EPHB1: variants seen among roughly 807,000 people sequenced by gnomAD.
EPHB1 encodes the protein ephrin type-B receptor 1.
EPHB1 carries 30 observed loss-of-function variants against 94.4 expected under a neutral mutation model. The observed-to-expected ratio is 0.32, with a 90% CI of 0.24 to 0.43. EPHB1 has a LOEUF of 0.43. EPHB1 is among the 20% of genes least tolerant of loss of function. The pLI is 1.00. For missense variants in EPHB1, 1,055 were observed against 1,308.3 expected, an observed-to-expected ratio of 0.81 and a Z score of 2.99; for synonymous variants, 522 against 489.1, an observed-to-expected ratio of 1.07 and a Z score of -0.89.
At chr3:135,071,528 T>C (rs752417682) in intron 3 of EPHB1, among the ~76,000 whole-genome samples, 3 of 152,192 alleles carry the variant, frequency 2.0e-5, no homozygotes, top group Non-Finnish European at 4.4e-5. Flanking sequence ...GATAAAGTGC[T>C]GGACTAGGAT....
intron 1 of EPHB1, among the ~76,000 whole-genome samples, chr3:134,923,856 A>G (rs549955339): frequency 2.0e-4 from 30 of 152,272 alleles, no homozygotes; most frequent in Non-Finnish European, 3.8e-4. Flanking sequence ...TCTCATGGTT[A>G]TGGGAAGGGG....
chr3:135,037,522 C>A (rs1936685007), intron 3 of EPHB1, among the ~76,000 whole-genome samples: 1 of 152,198 alleles, frequency 6.6e-6, no homozygotes, highest in African/African-American at 2.4e-5. Flanking sequence ...TCACATAGAC[C>A]AAGTCCATTT....
chr3:135,219,893 G>A (rs1170721020), intron 12 of EPHB1, among the ~76,000 whole-genome samples: 1 of 152,166 alleles, frequency 6.6e-6, no homozygotes, highest in East Asian at 1.9e-4. Flanking sequence ...TGTAGTGTTT[G>A]CCTTATGGGC....
At position 135,237,671 on chromosome 3, in the gene EPHB1, C is replaced by G. The variant is rs115091204; in HGVS notation, c.2347-3477C>G. ...ACAGTGCTCTCCCCAAGCCCAGTGT[C>G]AGCACTTCTGTGTCCGTATGAATGC... On this transcript the variant is annotated intron_variant, in intron 12 of 15. Coordinates refer to ENST00000398015, the MANE Select transcript of EPHB1 (RefSeq NM_004441.5). Among the ~76,000 whole-genome samples the G allele has an allele frequency of 3.3e-3, 505 of 152,342 alleles. 3 individuals are homozygous for G. Among genetic ancestry groups the G allele is most frequent in the African/African-American group, 0.012 (484 of 41,582 alleles).
intron 3 of EPHB1, among the ~76,000 whole-genome samples, chr3:135,087,704 A>G (rs1485914679): frequency 1.3e-5 from 2 of 152,210 alleles, no homozygotes; most frequent in African/African-American, 4.8e-5. Context: ...TTAGTTGCCC[A>G]TATGTCATGC....
chr3:135,078,833 C>G (rs557732257), intron 3 of EPHB1, among the ~76,000 whole-genome samples: 1 of 152,198 alleles, frequency 6.6e-6, no homozygotes, highest in African/African-American at 2.4e-5. Context: ...TTTTTGTGCA[C>G]GTACTATGTG....
chr3:134,884,076 C>A (rs1435588029), intron 1 of EPHB1, among the ~76,000 whole-genome samples: 1 of 152,238 alleles, frequency 6.6e-6, no homozygotes, highest in Non-Finnish European at 1.5e-5. Flanking sequence ...GCTGTGTGCC[C>A]TGCCCCATGC....
At chr3:135,190,118 T>A (rs923963924) in intron 10 of EPHB1, among the ~76,000 whole-genome samples, 1 of 152,208 alleles carries the variant, frequency 6.6e-6, no homozygotes, top group Non-Finnish European at 1.5e-5. Flanking sequence ...TGGCTGTAAC[T>A]CCCAGCTGTG....
chr3:135,097,913 A>G (rs1938865853), intron 3 of EPHB1, among the ~76,000 whole-genome samples: 2 of 152,132 alleles, frequency 1.3e-5, no homozygotes, highest in Admixed American at 1.3e-4. Flanking sequence ...TCCCCAGGTA[A>G]GCTAGGGATG....
chr3:135,175,917 C>T (rs147330032), intron 9 of EPHB1, among the ~76,000 whole-genome samples: 2 of 152,246 alleles, frequency 1.3e-5, no homozygotes, highest in Non-Finnish European at 2.9e-5. Flanking sequence ...CACTAAACAC[C>T]ATTTTCCTGA....
intron 2 of EPHB1, among the ~76,000 whole-genome samples, chr3:134,946,386 G>C (rs1331701239): frequency 6.6e-6 from 1 of 152,160 alleles, no homozygotes; most frequent in African/African-American, 2.4e-5. Context: ...TCTTATGGCT[G>C]TCTGTCACAC....
intron 3 of EPHB1, among the ~76,000 whole-genome samples, chr3:135,039,450 G>A (rs1019836577): frequency 6.6e-6 from 1 of 152,224 alleles, no homozygotes; most frequent in Non-Finnish European, 1.5e-5. Flanking sequence ...TTGGGTGGTC[G>A]ATGGGACTGG....
intron 4 of EPHB1, among the ~76,000 whole-genome samples, chr3:135,109,334 C>T (rs2107800311): frequency 6.6e-6 from 1 of 152,312 alleles, no homozygotes; most frequent in South Asian, 2.1e-4. Context: ...GGTCTAAATC[C>T]TTGGTCTAAG....
Position 134,951,792 on chromosome 3 carries a change from C to A in EPHB1, c.545C>A (p.Ala182Asp). 2 of 1,614,024 alleles carry A rather than the reference C, an allele frequency of 1.2e-6. No individual in the cohort carries two copies. The highest frequency in any genetic ancestry group is 1.7e-6 in the Non-Finnish European group (2 of 1,179,896). The stretch of plus-strand genomic sequence containing the variant: ...TACCTCGCTTTTCAGGATTATGGAG[C>A]CTGTATGTCTCTTCTTTCTGTCCGT... ...GFYLAFQDYG[A>D]CMSLLSVRVF... The change falls in exon 3 of 16, where the codon GCC becomes GAC. Residue 182 changes from alanine to aspartate, a missense_variant. Physicochemically the swap from Ala to Asp is moderately radical, Grantham distance 126. Transcript: ENST00000398015. The surrounding 1 kb of genome is among the most constrained non-coding windows in gnomAD (Gnocchi z 4.5).
chr3:135,251,813 C>T (rs1933114006), intron 15 of EPHB1, among the ~76,000 whole-genome samples: 1 of 152,116 alleles, frequency 6.6e-6, no homozygotes, highest in South Asian at 2.1e-4. Flanking sequence ...GTGTGATGTG[C>T]AGTGTACAAA....
intron 1 of EPHB1, among the ~76,000 whole-genome samples, chr3:134,900,332 A>T (rs910832148): frequency 6.6e-6 from 1 of 152,012 alleles, no homozygotes; most frequent in Non-Finnish European, 1.5e-5. Context: ...CTCATTTTTT[A>T]TTTTTATTTT....
chr3:134,882,741 T>C lies in EPHB1; in HGVS notation c.59-43075T>C, dbSNP rs1329113736. ...TTTCCTTCTTCTTTCCTTCTTTCCT[T>C]CTTTCTTCCTTTCTTCCTTCCTTCC... On this transcript the variant is annotated intron_variant, in intron 1 of 15. Transcript: ENST00000398015. 5.4e-4 allele frequency among the ~76,000 whole-genome samples: 54 copies of C among 100,516 alleles called. 1 individual carries two copies. Among genetic ancestry groups the C allele is most frequent in the African/African-American group, 1.6e-3 (33 of 21,002 alleles). The allele number at this position is 100,516 out of a possible 152,430, so 65.9% of individuals were successfully genotyped here.
At chr3:134,840,739 C>T (rs890077430) in intron 1 of EPHB1, among the ~76,000 whole-genome samples, 6 of 152,120 alleles carry the variant, frequency 3.9e-5, no homozygotes, top group Non-Finnish European at 8.8e-5. Flanking sequence ...AATCTGGGTG[C>T]CGTTTTACAG....
At chr3:134,943,858 C>T (rs17282341) in intron 2 of EPHB1, among the ~76,000 whole-genome samples, 2,139 of 152,232 alleles carry the variant, frequency 0.014, 22 homozygotes, top group South Asian at 0.047. Flanking sequence ...GAACAAGCTA[C>T]GTGTGGATAA....
Sources: gnomAD v4.1 joint callset for allele counts (sites outside exome capture counted in the v4.1 genomes callset) on GRCh38, gnomAD v4.1.1 for gene constraint, Gnocchi (gnomAD v3.1) non-coding constraint, MANE v1.5 for transcripts, NCBI Gene and HGNC (gene_info 2026-07-23, HGNC 2026-07-21) for gene names.